DCC: variants seen among roughly 807,000 people sequenced by gnomAD.
DCC encodes netrin receptor DCC.
Under a neutral mutation model 172.5 loss-of-function variants are expected in DCC, and 58 were observed. The ratio of observed to expected loss-of-function variants is 0.34; its 90% CI spans 0.27 to 0.42. The LOEUF (loss-of-function observed/expected upper bound fraction) is 0.42. DCC is among the 10% of genes least tolerant of loss of function. The pLI is 1.00. For missense variants in DCC, 1,740 were observed against 1,791.0 expected, an observed-to-expected ratio of 0.97 and a Z score of 0.51; for synonymous variants, 709 against 644.5, an observed-to-expected ratio of 1.10 and a Z score of -1.52.
At chr18:52,940,235 G>A (rs1460589489) in intron 5 of DCC, among the ~76,000 whole-genome samples, 2 of 152,152 alleles carry the variant, frequency 1.3e-5, no homozygotes, top group Admixed American at 6.5e-5. Flanking sequence ...AGTAGGCCTT[G>A]TATAAAATGA....
At chr18:52,450,111 G>A (rs1049627314) in intron 1 of DCC, among the ~76,000 whole-genome samples, 7 of 152,132 alleles carry the variant, frequency 4.6e-5, no homozygotes, top group South Asian at 2.1e-4. Flanking sequence ...GTCTCAAACC[G>A]AGACTTAAAT....
chr18:52,524,697 G>C (rs991058739), intron 1 of DCC, among the ~76,000 whole-genome samples: 1 of 152,166 alleles, frequency 6.6e-6, no homozygotes, highest in Admixed American at 6.5e-5. Context: ...GAGCCAAAGG[G>C]AGTGCATGAG....
chr18:52,788,244 G>C (rs980905961), intron 2 of DCC, among the ~76,000 whole-genome samples: 1 of 152,070 alleles, frequency 6.6e-6, no homozygotes. Flanking sequence ...TTTACTAAAA[G>C]ACACCTTGCA....
chr18:53,215,129 T>C (rs1245798640), intron 11 of DCC, among the ~76,000 whole-genome samples: 1 of 152,190 alleles, frequency 6.6e-6, no homozygotes, highest in Non-Finnish European at 1.5e-5. Context: ...GGCTGACCAT[T>C]AGAATGACAA....
intron 28 of DCC, 63 bp downstream of exon 28, chr18:53,526,822 C>G (rs901007783): frequency 6.3e-7 from 1 of 1,577,316 alleles, no homozygotes; most frequent in African/African-American, 1.4e-5. Context: ...TGTGTAATAG[C>G]ATCTAAACCA....
At chr18:52,737,555 T>C (rs895632588) in intron 1 of DCC, among the ~76,000 whole-genome samples, 8 of 152,136 alleles carry the variant, frequency 5.3e-5, no homozygotes, top group Admixed American at 3.9e-4. Context: ...TTATGTTTCA[T>C]AGGTAATTGG....
At chr18:52,344,614 G>T (rs1372462706) in intron 1 of DCC, among the ~76,000 whole-genome samples, 1 of 152,084 alleles carries the variant, frequency 6.6e-6, no homozygotes, top group Non-Finnish European at 1.5e-5. Context: ...ATTTTGACTT[G>T]CAGACAAAAC....
intron 12 of DCC, among the ~76,000 whole-genome samples, chr18:53,237,722 C>A (rs922625014): frequency 1.3e-5 from 2 of 152,024 alleles, no homozygotes; most frequent in South Asian, 4.1e-4. Flanking sequence ...TGAAAGAAAT[C>A]AAATTATAAT....
intron 1 of DCC, among the ~76,000 whole-genome samples, chr18:52,581,015 T>C (rs2033532748): frequency 6.6e-6 from 1 of 152,216 alleles, no homozygotes; most frequent in Non-Finnish European, 1.5e-5. Context: ...ACTGATCTGC[T>C]CTTCTTTCCC....
chr18:52,661,771 G>T (rs1403108460), intron 1 of DCC, among the ~76,000 whole-genome samples: 1 of 152,168 alleles, frequency 6.6e-6, no homozygotes, highest in African/African-American at 2.4e-5. Flanking sequence ...CAGCAAATAG[G>T]AATCCAAGAG....
At chr18:52,578,938 G>A (rs1210104750) in intron 1 of DCC, among the ~76,000 whole-genome samples, 2 of 152,062 alleles carry the variant, frequency 1.3e-5, no homozygotes, top group Non-Finnish European at 2.9e-5. Context: ...CCGAGATCAC[G>A]CCACTGCACT....
At chr18:52,985,838 C>T (rs2041284547) in intron 5 of DCC, among the ~76,000 whole-genome samples, 1 of 152,070 alleles carries the variant, frequency 6.6e-6, no homozygotes, top group African/African-American at 2.4e-5. Flanking sequence ...GATTTTTAAG[C>T]TTCAAGAACC....
intron 12 of DCC, among the ~76,000 whole-genome samples, chr18:53,298,988 A>G (rs989407912): frequency 6.6e-6 from 1 of 152,140 alleles, no homozygotes; most frequent in Admixed American, 6.5e-5. Context: ...TCTTTGTAAA[A>G]TCATCAATGG....
chr18:53,475,551 A>G (rs1034829156), intron 25 of DCC, among the ~76,000 whole-genome samples: 20 of 152,352 alleles, frequency 1.3e-4, no homozygotes, highest in African/African-American at 4.8e-4. Flanking sequence ...AAGTCTTGGC[A>G]GCTTCCTTGT....
chr18:53,139,735 C>T (rs567632214), intron 7 of DCC, among the ~76,000 whole-genome samples: 2 of 151,890 alleles, frequency 1.3e-5, no homozygotes, highest in African/African-American at 4.8e-5. Context: ...TGGTATGTGG[C>T]AGAGGCAGTT....
At chr18:53,113,291 A>T (rs529313954) in intron 7 of DCC, among the ~76,000 whole-genome samples, 50 of 151,582 alleles carry the variant, frequency 3.3e-4, no homozygotes, top group African/African-American at 1.1e-3. Context: ...TAGAACACGT[A>T]AGATTTATTT....
At chr18:52,424,368 T>A (rs1300266653) in intron 1 of DCC, among the ~76,000 whole-genome samples, 11 of 152,090 alleles carry the variant, frequency 7.2e-5, no homozygotes, top group African/African-American at 2.7e-4. Context: ...AAGTTCAAGC[T>A]CACAACCAGT....
chr18:53,085,302 C>A (rs1279729017), intron 7 of DCC, among the ~76,000 whole-genome samples: 1 of 151,958 alleles, frequency 6.6e-6, no homozygotes, highest in Non-Finnish European at 1.5e-5. Flanking sequence ...AAAATGTATG[C>A]AAGAAAACCA....
intron 1 of DCC, among the ~76,000 whole-genome samples, chr18:52,499,471 T>C (rs2144623403): frequency 1.3e-5 from 2 of 152,290 alleles, no homozygotes; most frequent in African/African-American, 4.8e-5. Context: ...ATCTTCACTA[T>C]TTCATCTACT....
Sources: allele counts gnomAD v4.1 joint callset (sites outside exome capture counted in the v4.1 genomes callset), GRCh38; gene constraint gnomAD v4.1.1; transcripts MANE v1.5; gene names NCBI Gene and HGNC (gene_info 2026-07-23, HGNC 2026-07-21).